Variants in USH2A observed in about 807,000 individuals in gnomAD.
USH2A encodes the protein Usher syndrome 2A (autosomal recessive, mild).
A neutral mutation model predicts 538.9 loss-of-function variants in USH2A; 443 were observed. That is an observed-to-expected ratio of 0.82 (90% CI 0.76 to 0.89). USH2A has a LOEUF of 0.89. Among genes scored for constraint, USH2A ranks in the 40% least tolerant of loss-of-function variants. The pLI is 0.00. For synonymous variants in USH2A, 2,413 were observed against 2,273.5 expected (o/e 1.06, Z -1.75); for missense variants, 6,633 against 6,324.8 (o/e 1.05, Z -1.65).
intron 62 of USH2A, 108 bp downstream of exon 62, chr1:215,680,041 A>C: frequency 9.0e-7 from 1 of 1,112,618 alleles, no homozygotes; most frequent in Non-Finnish European, 1.4e-6. Context: ...AAGGAGAATT[A>C]AACAGGCTGT....
At chr1:215,929,278 C>T (rs1666306702) in intron 38 of USH2A, among the ~76,000 whole-genome samples, 1 of 151,996 alleles carries the variant, frequency 6.6e-6, no homozygotes, top group Admixed American at 6.6e-5. Flanking sequence ...TATGTGAAAT[C>T]CCAAGATGAC....
chr1:216,413,632 AT>A (rs1418104411), intron 3 of USH2A, among the ~76,000 whole-genome samples: 1 of 151,900 alleles, frequency 6.6e-6, no homozygotes, highest in Non-Finnish European at 1.5e-5. Context: ...TTACCCATGC[AT>A]TTTTTTCTTC....
At chr1:215,891,370 C>A (rs1441261467) in intron 40 of USH2A, among the ~76,000 whole-genome samples, 1 of 152,170 alleles carries the variant, frequency 6.6e-6, no homozygotes, top group African/African-American at 2.4e-5. Context: ...GCTTAATTAG[C>A]TCCTTTGGCT....
chr1:216,384,868 C>A (rs2038979171), intron 3 of USH2A, among the ~76,000 whole-genome samples: 1 of 152,260 alleles, frequency 6.6e-6, no homozygotes, highest in Admixed American at 6.5e-5. Flanking sequence ...CTAGAAGGAA[C>A]CCAACAGACT....
rs111033525 is a variant in USH2A at position 215,647,649 on chromosome 1, C to A, written c.14664G>T (p.Thr4888=). The A allele has an allele frequency of 3.1e-6, 5 of 1,614,134 alleles. No homozygotes were observed. The highest frequency in any genetic ancestry group is 4.2e-6 in the Non-Finnish European group (5 of 1,180,032). The change falls in exon 67 of 72, where the codon ACG becomes ACT. Residue 4888 remains threonine, a synonymous_variant. Coordinates refer to ENST00000307340, the MANE Select transcript of USH2A (RefSeq NM_206933.4). The part of the protein sequence containing the change: ...CTPSQIETKY[T]GLGQKASLGG... ...CAAGGCTGGCTTTCTGCCCCAGCCC[C>A]GTGTACTTTGTTTCTATTTGGCTGG...
chr1:215,857,289 A>G (rs1368643621), intron 44 of USH2A, among the ~76,000 whole-genome samples: 1 of 152,194 alleles, frequency 6.6e-6, no homozygotes, highest in Non-Finnish European at 1.5e-5. Context: ...GATAGAAAAC[A>G]TGGAATTATG....
chr1:215,805,191 G>T (rs1446395523), intron 49 of USH2A, among the ~76,000 whole-genome samples: 1 of 152,016 alleles, frequency 6.6e-6, no homozygotes, highest in Non-Finnish European at 1.5e-5. Context: ...GTTAAATGAC[G>T]AGTTAATGGG....
chr1:216,030,910 A>G (rs984737768), intron 32 of USH2A, among the ~76,000 whole-genome samples: 19 of 151,810 alleles, frequency 1.3e-4, no homozygotes, highest in African/African-American at 4.6e-4. Context: ...AAGGATTTAT[A>G]TAGACTCTCT....
Position 216,418,527 on chromosome 1 carries a change from T to A in USH2A, c.638A>T (p.His213Leu). 1 of 1,613,134 alleles carries A rather than the reference T, an allele frequency of 6.2e-7. No individual in the cohort carries two copies. Among genetic ancestry groups the A allele is most frequent in the Non-Finnish European group, 8.5e-7 (1 of 1,179,468 alleles). Residue 213 changes from histidine (H) to leucine (L), a missense_variant, in exon 3 of 72, where the codon CAT (histidine) becomes CTT (leucine). His to Leu is a moderately conservative substitution (Grantham distance 99). Transcript: ENST00000307340. ...TATTTTACTCACCTGCACACTAAGATGAATCCATTTCTTCACAAGAATTCT... is the reference window on the plus strand; with the variant it reads ...TATTTTACTCACCTGCACACTAAGAAGAATCCATTTCTTCACAAGAATTCT... ...LGRILVKKWI[H>L]LSVQVHQTKI...
chr1:215,726,875 G>A (rs1286526079), intron 61 of USH2A, among the ~76,000 whole-genome samples: 2 of 152,282 alleles, frequency 1.3e-5, no homozygotes, highest in South Asian at 2.1e-4. Context: ...CGGGATCTAA[G>A]TCTCAGTGTA....
intron 29 of USH2A, 32 bp downstream of exon 29, chr1:216,072,857 G>C (rs1313822859): frequency 6.6e-7 from 1 of 1,512,216 alleles, no homozygotes; most frequent in Admixed American, 1.7e-5. Flanking sequence ...ATGTGTGTGT[G>C]TGCACATATG....
intron 33 of USH2A, among the ~76,000 whole-genome samples, chr1:215,999,688 T>C (rs1162101825): frequency 6.6e-6 from 1 of 151,992 alleles, no homozygotes; most frequent in African/African-American, 2.4e-5. Flanking sequence ...AACACCTGAG[T>C]CGTGGGAAAT....
At chr1:215,651,277 A>G (rs1657072730) in intron 64 of USH2A, among the ~76,000 whole-genome samples, 1 of 152,246 alleles carries the variant, frequency 6.6e-6, no homozygotes, top group Non-Finnish European at 1.5e-5. Context: ...ATCAAGAACC[A>G]TTTGTATAAT....
chr1:216,095,379 A>AATAATAT (rs1412510912), intron 22 of USH2A, among the ~76,000 whole-genome samples: 5 of 152,220 alleles, frequency 3.3e-5, no homozygotes, highest in African/African-American at 1.2e-4. Flanking sequence ...TCAAATAAAA[A>AATAATAT]ATAATATCTT....
At chr1:216,162,811 T>C (rs895338220) in intron 21 of USH2A, among the ~76,000 whole-genome samples, 1 of 152,098 alleles carries the variant, frequency 6.6e-6, no homozygotes, top group African/African-American at 2.4e-5. Flanking sequence ...ATGTTGCCTG[T>C]GAAATCTCTA....
intron 32 of USH2A, among the ~76,000 whole-genome samples, chr1:216,028,187 A>C (rs1013318385): frequency 3.9e-5 from 6 of 152,120 alleles, no homozygotes; most frequent in Non-Finnish European, 8.8e-5. Context: ...CAGGAGTTCG[A>C]GACCAGCCGG....
chr1:216,188,216 A>C (rs1179205873), intron 20 of USH2A, among the ~76,000 whole-genome samples: 1 of 151,804 alleles, frequency 6.6e-6, no homozygotes, highest in Non-Finnish European at 1.5e-5. Flanking sequence ...ACTGCAACCA[A>C]TGAGGATACT....
intron 37 of USH2A, among the ~76,000 whole-genome samples, chr1:215,961,439 T>C (rs1028337551): frequency 4.0e-5 from 6 of 151,624 alleles, no homozygotes; most frequent in African/African-American, 1.5e-4. Context: ...AACCCGACAG[T>C]ATAAAGATAT....
At chr1:216,177,792 T>C (rs2034419334) in intron 20 of USH2A, among the ~76,000 whole-genome samples, 1 of 152,186 alleles carries the variant, frequency 6.6e-6, no homozygotes, top group Admixed American at 6.5e-5. Flanking sequence ...GTTTGATTTT[T>C]TTTTCCCTTA....
Sources: allele counts gnomAD v4.1 joint callset (sites outside exome capture counted in the v4.1 genomes callset), GRCh38; gene constraint gnomAD v4.1.1; transcripts MANE v1.5; gene names NCBI Gene and HGNC (gene_info 2026-07-23, HGNC 2026-07-21).